The following SRBD1 variants were observed in gnomAD, a reference collection of about 807,000 sequenced individuals.
SRBD1 encodes S1 RNA-binding domain-containing protein 1.
Under a neutral mutation model 115.3 loss-of-function variants are expected in SRBD1, and 88 were observed. The ratio of observed to expected loss-of-function variants is 0.76; its 90% CI spans 0.64 to 0.91. SRBD1 has a LOEUF of 0.91. Among genes scored for constraint, SRBD1 ranks in the 40% least tolerant of loss-of-function variants. The pLI, the probability that SRBD1 is intolerant of heterozygous loss-of-function variation, is 0.00. For synonymous variants in SRBD1, 509 were observed against 407.7 expected, an observed-to-expected ratio of 1.25 and a Z score of -2.99; for missense variants, 1,385 against 1,177.4, an observed-to-expected ratio of 1.18 and a Z score of -2.58.
chr2:45,595,877 T>G (rs1673878950), intron 4 of SRBD1, among the ~76,000 whole-genome samples: 1 of 152,174 alleles, frequency 6.6e-6, no homozygotes, highest in Admixed American at 6.5e-5. Flanking sequence ...GCTTAATAAT[T>G]GCCATCAGAT....
intron 4 of SRBD1, 84 bp downstream of exon 4, chr2:45,599,365 C>A (rs1674013451): frequency 1.3e-6 from 2 of 1,497,128 alleles, no homozygotes; most frequent in Non-Finnish European, 1.8e-6. Flanking sequence ...ACCCCCAGCC[C>A]TTCCCTTAGA....
chr2:45,509,596 A>G (rs1272270444), intron 14 of SRBD1, among the ~76,000 whole-genome samples: 1 of 91,332 alleles, frequency 1.1e-5, no homozygotes, highest in African/African-American at 4.6e-5. Context: ...ACTCCGTCTC[A>G]AAACACACAC....
Position 45,551,297 on chromosome 2 carries a change from GA to G in SRBD1, c.1518-16del. 1.3e-6 allele frequency: 2 copies of G among 1,577,794 alleles called. No individual in the cohort carries two copies. Among genetic ancestry groups the G allele is most frequent in the Non-Finnish European group, 1.7e-6 (2 of 1,171,346 alleles). ...TTAGTTTGGCTCTTTAGAAATAGAAGAAAAGAAAAAGTTTTTCATTCACCCA... is the reference window on the plus strand; with the variant it reads ...TTAGTTTGGCTCTTTAGAAATAGAAGAAAGAAAAAGTTTTTCATTCACCCA... On this transcript the variant is annotated splice_polypyrimidine_tract_variant and intron_variant, in intron 11 of 20. Transcript: ENST00000263736.
At chr2:45,534,846 A>T (rs1424682114) in intron 14 of SRBD1, among the ~76,000 whole-genome samples, 1 of 151,930 alleles carries the variant, frequency 6.6e-6, no homozygotes, top group Admixed American at 6.6e-5. Context: ...GTTTCTTTAA[A>T]CCAAAGCAAA....
chr2:45,393,602 G>T (rs906902900), intron 19 of SRBD1, among the ~76,000 whole-genome samples: 2 of 152,120 alleles, frequency 1.3e-5, no homozygotes, highest in Non-Finnish European at 2.9e-5. Context: ...GGATGGTCTC[G>T]ATCTCCTGAC....
intron 16 of SRBD1, among the ~76,000 whole-genome samples, chr2:45,438,020 C>T (rs1179914823): frequency 6.6e-6 from 1 of 152,040 alleles, no homozygotes; most frequent in Non-Finnish European, 1.5e-5. Flanking sequence ...AAACTATTAA[C>T]TTTGACTGAT....
chr2:45,540,633 G>T (rs1671904576), intron 14 of SRBD1, among the ~76,000 whole-genome samples: 1 of 151,740 alleles, frequency 6.6e-6, no homozygotes, highest in Non-Finnish European at 1.5e-5. Flanking sequence ...CCTGACAAAG[G>T]GCTTAATTCA....
intron 16 of SRBD1, among the ~76,000 whole-genome samples, chr2:45,454,637 C>T (rs977537441): frequency 2.6e-5 from 4 of 151,772 alleles, no homozygotes; most frequent in Non-Finnish European, 5.9e-5. Context: ...ACTCTGCTTG[C>T]AGGTAAAAAA....
intron 14 of SRBD1, among the ~76,000 whole-genome samples, chr2:45,501,412 T>C (rs13021058): frequency 0.11 from 17,336 of 152,186 alleles, 1,043 homozygotes; most frequent in Middle Eastern, 0.14. Flanking sequence ...CATTTCCAAC[T>C]GAGGTACTGG....
chr2:45,454,730 A>G lies in SRBD1; in HGVS notation c.2049+22263T>C, dbSNP rs564214072. On this transcript the variant is annotated intron_variant, in intron 16 of 20. Coordinates refer to ENST00000263736, the MANE Select transcript of SRBD1 (RefSeq NM_018079.5). The stretch of plus-strand genomic sequence containing the variant: ...ACAATGCACGAACATTTGTTTGTCT[A>G]CTTCTCACAAACAGCACGGTTTTTC... Among the ~76,000 whole-genome samples the G allele has an allele frequency of 1.8e-3, 271 of 151,980 alleles. 1 individual carries two copies. The highest frequency in any genetic ancestry group is 5.9e-3 in the African/African-American group (244 of 41,540).
intron 14 of SRBD1, among the ~76,000 whole-genome samples, chr2:45,523,345 G>A (rs1475842359): frequency 6.9e-6 from 1 of 145,478 alleles, no homozygotes; most frequent in Non-Finnish European, 1.5e-5. Context: ...GATTACAGCA[G>A]AACTTAATAA....
intron 14 of SRBD1, among the ~76,000 whole-genome samples, chr2:45,501,750 C>T (rs2103895502): frequency 6.6e-6 from 1 of 152,322 alleles, no homozygotes; most frequent in South Asian, 2.1e-4. Context: ...GTAGGGGCAC[C>T]TGCCATTGCT....
chr2:45,443,892 A>G (rs1432914974), intron 16 of SRBD1, among the ~76,000 whole-genome samples: 1 of 151,798 alleles, frequency 6.6e-6, no homozygotes, highest in Non-Finnish European at 1.5e-5. Flanking sequence ...ATATCTAGTA[A>G]TTTTCATCAG....
chr2:45,555,925 C>T (rs1038738682), intron 10 of SRBD1, among the ~76,000 whole-genome samples: 9 of 152,138 alleles, frequency 5.9e-5, no homozygotes, highest in Non-Finnish European at 1.3e-4. Context: ...GCATCTCTGC[C>T]CTTGCCCTCT....
At chr2:45,446,712 C>T (rs1234857635) in intron 16 of SRBD1, among the ~76,000 whole-genome samples, 1 of 151,104 alleles carries the variant, frequency 6.6e-6, no homozygotes, top group Non-Finnish European at 1.5e-5. Context: ...AAAAAAAACC[C>T]CACAGAACAC....
chr2:45,420,072 CT>C (rs34247559), intron 16 of SRBD1, among the ~76,000 whole-genome samples, 178 bp from the exon 17 acceptor site: 24,844 of 152,148 alleles, frequency 0.16, 2,680 homozygotes, highest in African/African-American at 0.3. Context: ...GCTTCTTACT[CT>C]TTTAAGCTAT....
chr2:45,453,591 C>A (rs1384196674), intron 16 of SRBD1, among the ~76,000 whole-genome samples: 1 of 151,618 alleles, frequency 6.6e-6, no homozygotes, highest in African/African-American at 2.4e-5. Context: ...TTGAGAGTTC[C>A]TATAAATTTG....
intron 5 of SRBD1, 32 bp downstream of exon 5, chr2:45,585,576 A>C: frequency 6.3e-7 from 1 of 1,591,628 alleles, no homozygotes; most frequent in Non-Finnish European, 8.5e-7. Flanking sequence ...TTTTCCCCTT[A>C]CACTAGGCTT....
At chr2:45,561,989 T>C (rs867963844) in intron 10 of SRBD1, among the ~76,000 whole-genome samples, 1 of 152,222 alleles carries the variant, frequency 6.6e-6, no homozygotes, top group Admixed American at 6.5e-5. Flanking sequence ...ACATAGAGCA[T>C]ATTTTTGTTA....
Sources: gnomAD v4.1 joint callset for allele counts (sites outside exome capture counted in the v4.1 genomes callset) on GRCh38, gnomAD v4.1.1 for gene constraint, MANE v1.5 for transcripts, NCBI Gene and HGNC (gene_info 2026-07-23, HGNC 2026-07-21) for gene names.